Variants in ANKRD36C observed in about 807,000 individuals in gnomAD.
ANKRD36C encodes ankyrin repeat domain 36C.
In ANKRD36C, 61 loss-of-function variants were observed where a neutral mutation model predicts 276.4. That is an observed-to-expected ratio of 0.22 (90% confidence interval 0.18 to 0.27). ANKRD36C has a LOEUF of 0.27. Ranked by LOEUF, ANKRD36C falls within the 10% of genes least tolerant of loss-of-function variation. The probability of loss-of-function intolerance (pLI) is 1.00; values close to 1 mark genes in which losing one functional copy is unlikely to be tolerated. For missense variants in ANKRD36C, 1,447 were observed against 2,032.3 expected, an observed-to-expected ratio of 0.71 and a Z score of 5.54; for synonymous variants, 483 against 680.1, an observed-to-expected ratio of 0.71 and a Z score of 4.51.
intron 13 of ANKRD36C, among the ~76,000 whole-genome samples, chr2:95,955,884 C>T (rs1344488683): frequency 1.3e-5 from 2 of 152,106 alleles, no homozygotes; most frequent in African/African-American, 2.4e-5. Flanking sequence ...CTAAGCACCT[C>T]TGATTGTGTC....
chr2:95,940,443 A>C (rs1677846459), intron 20 of ANKRD36C, among the ~76,000 whole-genome samples: 1 of 152,308 alleles, frequency 6.6e-6, no homozygotes, highest in African/African-American at 2.4e-5. Context: ...ATAGCATAGC[A>C]GCCTCTGAGG....
intron 59 of ANKRD36C, among the ~76,000 whole-genome samples, chr2:95,868,179 A>G (rs1032740282): frequency 2.0e-5 from 3 of 152,092 alleles, no homozygotes; most frequent in Non-Finnish European, 4.4e-5. Flanking sequence ...TTTCTAATTC[A>G]AGTTTTATGC....
exon 63 of ANKRD36C, chr2:95,855,907 T>G (rs1395735155): frequency 1.9e-6 from 3 of 1,613,676 alleles, no homozygotes; most frequent in Non-Finnish European, 2.5e-6. Context: ...TCTCTTTGCT[T>G]CTCCAGTTTA....
At chr2:95,911,026 C>A (rs1047720968) in intron 42 of ANKRD36C, among the ~76,000 whole-genome samples, 1 of 151,486 alleles carries the variant, frequency 6.6e-6, no homozygotes, top group African/African-American at 2.4e-5. Flanking sequence ...TGAGAAGGCA[C>A]ACAATTGCGA....
intron 28 of ANKRD36C, among the ~76,000 whole-genome samples, chr2:95,926,618 C>T (rs1352576223): frequency 6.6e-6 from 1 of 151,546 alleles, no homozygotes; most frequent in Non-Finnish European, 1.5e-5. Context: ...AGTACTCCTT[C>T]CTGCTTCCAC....
chr2:95,878,395 T>C (rs1295308172), intron 58 of ANKRD36C, among the ~76,000 whole-genome samples: 3 of 152,222 alleles, frequency 2.0e-5, no homozygotes, highest in South Asian at 2.1e-4. Flanking sequence ...TGCTAATCTC[T>C]AAGACACTTT....
intron 59 of ANKRD36C, among the ~76,000 whole-genome samples, chr2:95,868,279 C>T (rs1573727781): frequency 1.3e-5 from 2 of 150,138 alleles, no homozygotes; most frequent in East Asian, 3.9e-4. Flanking sequence ...AACAGAAACA[C>T]CATCATCTTT....
Position 95,921,524 on chromosome 2 carries a change from T to C in ANKRD36C, c.2245+83A>G, listed in dbSNP as rs1186294007. The C allele has an allele frequency of 1.3e-4, 194 of 1,523,384 alleles. 5 individuals are homozygous for C. The South Asian group carries it at 1.9e-3, about 15-fold the overall frequency. The allele number at this position is 1,523,384 out of a possible 1,614,324, so 94.4% of individuals were successfully genotyped here. ...TGCAGCTTCGGCGAGCCCCCCCACC[T>C]GCCCTCCACTGATTTATTCGGGGTA... On this transcript the variant is annotated intron_variant, in intron 34 of 66. Coordinates refer to ENST00000456556, the Ensembl canonical transcript of ANKRD36C.
chr2:95,888,707 G>A (rs896168901), intron 48 of ANKRD36C, among the ~76,000 whole-genome samples: 2 of 151,656 alleles, frequency 1.3e-5, no homozygotes, highest in Non-Finnish European at 3.0e-5. Context: ...CCCCTGTGGT[G>A]TAATAATTTG....
chr2:95,986,677 T>C (rs970825575), intron 3 of ANKRD36C, 74 bp downstream of exon 3: 4 of 1,230,824 alleles, frequency 3.2e-6, no homozygotes, highest in Non-Finnish European at 4.4e-6. Context: ...ATATGAAAAA[T>C]TGACCCTTAC....
At chr2:95,852,273 T>C in intron 64 of ANKRD36C, 77 bp from the exon 85 acceptor site, 1 of 975,470 alleles carries the variant, frequency 1.0e-6, no homozygotes. Context: ...ATCAACAAAA[T>C]GTATATAAAA....
At chr2:95,863,100 C>T (rs1675619923) in intron 60 of ANKRD36C, among the ~76,000 whole-genome samples, 2 of 152,018 alleles carry the variant, frequency 1.3e-5, no homozygotes, top group Non-Finnish European at 1.5e-5. Flanking sequence ...CTCCATTTAG[C>T]CAGGCTGCTC....
At chr2:95,955,622 T>C (rs1678309035) in intron 13 of ANKRD36C, among the ~76,000 whole-genome samples, 1 of 152,096 alleles carries the variant, frequency 6.6e-6, no homozygotes, top group Non-Finnish European at 1.5e-5. Flanking sequence ...TTCCACTGTG[T>C]TCACTAGAGC....
chr2:95,910,843 G>A (rs1676897062), intron 42 of ANKRD36C, among the ~76,000 whole-genome samples: 1 of 151,394 alleles, frequency 6.6e-6, no homozygotes. Context: ...AACGTGCATA[G>A]GCCAAGTGAT....
chr2:95,918,138 C>T lies in ANKRD36C; in HGVS notation c.2246-96G>A, dbSNP rs1221803024. 15 of 1,517,712 alleles carry T rather than the reference C, an allele frequency of 9.9e-6. No individual in the cohort carries two copies. The Admixed American group carries it at 1.7e-4, about 18-fold the overall frequency. The allele number at this position is 1,517,712 out of a possible 1,614,324, so 94.0% of individuals were successfully genotyped here. On this transcript the variant is annotated intron_variant, in intron 34 of 66. Transcript: ENST00000456556. ...GTTAGCATCAAGCTGTATCCTTCTGCCTGTACTAGTGTAGGCTCTGATGTC... is the reference window on the plus strand; with the variant it reads ...GTTAGCATCAAGCTGTATCCTTCTGTCTGTACTAGTGTAGGCTCTGATGTC...
intron 22 of ANKRD36C, among the ~76,000 whole-genome samples, chr2:95,936,993 C>A (rs555215536): frequency 1.3e-5 from 2 of 151,310 alleles, no homozygotes; most frequent in Non-Finnish European, 3.0e-5. Flanking sequence ...TTTATCTTTA[C>A]GGCTTTATTT....
chr2:95,916,179 G>A lies in ANKRD36C; in HGVS notation c.2348-8C>T. Reference sequence around the variant, plus strand: ...GTTTTTTCCGAGAAGACACTGAAAAGCAAAAGGGACACGTAATCACTCACT... The same window carrying A: ...GTTTTTTCCGAGAAGACACTGAAAAACAAAAGGGACACGTAATCACTCACT... On this transcript the variant is annotated splice_polypyrimidine_tract_variant and splice_region_variant and intron_variant, in intron 36 of 66. Transcript: ENST00000456556. 2 of 1,604,274 alleles carry A rather than the reference G, an allele frequency of 1.2e-6. No homozygotes were observed. Among genetic ancestry groups the A allele is most frequent in the Non-Finnish European group, 1.7e-6 (2 of 1,177,822 alleles).
intron 3 of ANKRD36C, 31 bp from the exon 4 acceptor site, chr2:95,982,393 C>T: frequency 1.4e-6 from 2 of 1,479,818 alleles, no homozygotes; most frequent in East Asian, 2.5e-5. Flanking sequence ...TTTATAATCA[C>T]AAAATTACAT....
chr2:95,952,259 C>T (rs1436943847), intron 14 of ANKRD36C, among the ~76,000 whole-genome samples: 2 of 150,994 alleles, frequency 1.3e-5, no homozygotes, highest in Non-Finnish European at 1.5e-5. Flanking sequence ...TACTGGTTAG[C>T]ATTTACTCGA....
Sources: allele counts gnomAD v4.1 joint callset (sites outside exome capture counted in the v4.1 genomes callset), GRCh38; gene constraint gnomAD v4.1.1; transcripts MANE v1.5; gene names NCBI Gene and HGNC (gene_info 2026-07-23, HGNC 2026-07-21).